Variants in PDE4B observed in about 807,000 individuals in gnomAD.
PDE4B encodes 3',5'-cyclic-AMP phosphodiesterase 4B.
A neutral mutation model predicts 82.2 loss-of-function variants in PDE4B; 20 were observed. The observed-to-expected ratio is 0.24, with a 90% confidence interval of 0.17 to 0.35. The LOEUF (loss-of-function observed/expected upper bound fraction) is 0.35. PDE4B is among the 10% of genes least tolerant of loss of function. The pLI is 1.00. For synonymous variants in PDE4B, 320 were observed against 318.9 expected (o/e 1.00, Z -0.04); for missense variants, 655 against 907.2 (o/e 0.72, Z 3.57).
Position 66,372,471 on chromosome 1 carries a change from C to G in PDE4B, c.2004C>G (p.Asn668Lys). ...QSPSPPLDEQ[N>K]RDCQGLMEKF... ...CCTCACCACCACTGGACGAGCAGAA[C>G]AGGGACTGCCAGGGTCTGATGGAGA... The change falls in exon 17 of 17, where the codon AAC becomes AAG. Residue 668 changes from asparagine (N) to lysine (K), a missense_variant. Around this residue, in one of 3 missense-constraint regions of PDE4B, gnomAD observed 119 missense variants for 115.2 expected, o/e 1.03. Transcript: ENST00000341517. 6.2e-7 allele frequency: 1 copy of G among 1,614,130 alleles called. No homozygotes were observed. The highest frequency in any genetic ancestry group is 8.5e-7 in the Non-Finnish European group (1 of 1,179,990).
chr1:65,920,490 C>T (rs1647216903), intron 3 of PDE4B, among the ~76,000 whole-genome samples: 1 of 152,140 alleles, frequency 6.6e-6, no homozygotes, highest in South Asian at 2.1e-4. Flanking sequence ...TAGAATTGTT[C>T]CTTCCTTAGA....
chr1:65,900,388 G>A (rs1385234279), intron 1 of PDE4B, among the ~76,000 whole-genome samples: 3 of 151,942 alleles, frequency 2.0e-5, no homozygotes, highest in African/African-American at 7.2e-5. Flanking sequence ...GAAGTCAGGA[G>A]CTATGATACC....
chr1:66,049,901 A>C (rs1654924230), intron 3 of PDE4B, among the ~76,000 whole-genome samples: 1 of 152,068 alleles, frequency 6.6e-6, no homozygotes, highest in Non-Finnish European at 1.5e-5. Context: ...AGATGAAAAA[A>C]ATGTATTTAC....
At chr1:66,345,280 A>G (rs534460616) in intron 8 of PDE4B, among the ~76,000 whole-genome samples, 1 of 151,562 alleles carries the variant, frequency 6.6e-6, no homozygotes, top group East Asian at 2.1e-4. Flanking sequence ...GAAATCCACA[A>G]TTTATTATAT....
chr1:65,977,454 GA>G (rs577212409), intron 3 of PDE4B, among the ~76,000 whole-genome samples: 27 of 152,266 alleles, frequency 1.8e-4, no homozygotes, highest in African/African-American at 6.0e-4. Flanking sequence ...TGTTTTCAAT[GA>G]AGTTTTCCCA....
intron 4 of PDE4B, among the ~76,000 whole-genome samples, chr1:66,252,988 G>T (rs1368520043): frequency 6.6e-6 from 1 of 152,000 alleles, no homozygotes; most frequent in African/African-American, 2.4e-5. Flanking sequence ...TTAAGTTGAG[G>T]ACCATCCATA....
At chr1:66,368,718 A>G (rs894771709) in intron 15 of PDE4B, 69 bp from the exon 16 acceptor site, 21 of 1,234,318 alleles carry the variant, frequency 1.7e-5, no homozygotes, top group Non-Finnish European at 5.5e-6. Context: ...TACTAGTATG[A>G]GAGGCATGAG....
At chr1:66,220,271 T>C (rs1650866604) in intron 3 of PDE4B, among the ~76,000 whole-genome samples, 1 of 152,158 alleles carries the variant, frequency 6.6e-6, no homozygotes, top group Admixed American at 6.6e-5. Flanking sequence ...GCATTATGGA[T>C]CTAGATTAAT....
At chr1:66,356,773 G>T (rs1397720550) in intron 9 of PDE4B, among the ~76,000 whole-genome samples, 1 of 152,192 alleles carries the variant, frequency 6.6e-6, no homozygotes, top group East Asian at 1.9e-4. Context: ...TGCAGTGGAT[G>T]GTCACCAGAC....
chr1:66,118,378 A>G (rs1645639715), intron 3 of PDE4B, among the ~76,000 whole-genome samples: 1 of 152,230 alleles, frequency 6.6e-6, no homozygotes, highest in Non-Finnish European at 1.5e-5. Flanking sequence ...ACACCATGGA[A>G]TACTATGCAG....
intron 8 of PDE4B, among the ~76,000 whole-genome samples, chr1:66,340,627 T>A (rs1341468486): frequency 6.6e-6 from 1 of 152,154 alleles, no homozygotes; most frequent in Non-Finnish European, 1.5e-5. Flanking sequence ...ATTAAATACT[T>A]TACATGGCTG....
At chr1:66,143,704 C>A (rs896045403) in intron 3 of PDE4B, among the ~76,000 whole-genome samples, 17 of 152,274 alleles carry the variant, frequency 1.1e-4, no homozygotes, top group Middle Eastern at 3.4e-3. Flanking sequence ...ATAGTTTAGG[C>A]CATTGAGACA....
In PDE4B at chr1:66,342,931, G is replaced by A. The variant is rs1661112401; in HGVS notation, c.747+10311G>A. Among the ~76,000 whole-genome samples, 2 of 152,130 alleles carry A rather than the reference G, an allele frequency of 1.3e-5. 1 individual carries two copies. The highest frequency in any genetic ancestry group is 2.9e-5 in the Non-Finnish European group (2 of 68,010). ...GCAGTGGTGCATGCCTGTAGTTCCA[G>A]CTACTGGGGTGGCTGAGGCATGAGA... On this transcript the variant is annotated intron_variant, in intron 8 of 16. Coordinates refer to ENST00000341517, the MANE Select transcript of PDE4B (RefSeq NM_002600.4).
At chr1:66,302,375 G>GA (rs1657958201) in intron 7 of PDE4B, among the ~76,000 whole-genome samples, 1 of 152,164 alleles carries the variant, frequency 6.6e-6, no homozygotes, top group Admixed American at 6.6e-5. Flanking sequence ...TGTGGCTTGG[G>GA]AAAATCTATA....
chr1:66,162,544 G>T (rs1054547888), intron 3 of PDE4B, among the ~76,000 whole-genome samples: 1 of 151,914 alleles, frequency 6.6e-6, no homozygotes, highest in African/African-American at 2.4e-5. Context: ...CCCAGCCTAT[G>T]CAGGTTGAGT....
chr1:66,325,373 G>A (rs1012180332), intron 7 of PDE4B, among the ~76,000 whole-genome samples: 21 of 152,132 alleles, frequency 1.4e-4, no homozygotes, highest in African/African-American at 4.1e-4. Context: ...ATAATCATTC[G>A]CTACAATGGA....
rs560340376 is a variant in PDE4B, at chr1:65,824,660, C to CAT, written c.-71+31424_-71+31425dup. On this transcript the variant is annotated intron_variant, in intron 1 of 16. Transcript: ENST00000341517. ...TTATATATATACAAATATATACATA[C>CAT]ATATATATATATACACACAATTCAT... Among the ~76,000 whole-genome samples, 1,213 of 149,340 alleles carry CAT rather than the reference C, an allele frequency of 8.1e-3. 11 individuals carry two copies. The highest frequency in any genetic ancestry group is 0.027 in the African/African-American group (1,096 of 40,852).
At chr1:66,329,685 A>C (rs1223252810) in intron 7 of PDE4B, among the ~76,000 whole-genome samples, 1 of 152,216 alleles carries the variant, frequency 6.6e-6, no homozygotes, top group African/African-American at 2.4e-5. Flanking sequence ...CATCCTAGGC[A>C]CTTCATATAT....
intron 3 of PDE4B, among the ~76,000 whole-genome samples, chr1:66,152,119 G>A (rs906765757): frequency 6.6e-6 from 1 of 152,102 alleles, no homozygotes; most frequent in Admixed American, 6.6e-5. Flanking sequence ...AAACAATTCT[G>A]TTATGTTTTG....
Sources: allele counts gnomAD v4.1 joint callset (sites outside exome capture counted in the v4.1 genomes callset), GRCh38; gene constraint gnomAD v4.1.1; regional missense constraint gnomAD v4.1.1; transcripts MANE v1.5; gene names NCBI Gene and HGNC (gene_info 2026-07-23, HGNC 2026-07-21).